PPP1R12C: variants seen among roughly 807,000 people sequenced by gnomAD.
PPP1R12C encodes protein phosphatase 1 regulatory subunit 12C, also known as leukocyte receptor cluster (LRC) encoded novel gene 3.
In PPP1R12C, 48 loss-of-function variants were observed where a neutral mutation model predicts 95.6. That is an observed-to-expected ratio of 0.50 (90% CI 0.40 to 0.64). The LOEUF (loss-of-function observed/expected upper bound fraction) is 0.64. Among genes scored for constraint, PPP1R12C ranks in the 30% least tolerant of loss-of-function variants. PPP1R12C has a pLI of 0.00. For missense variants in PPP1R12C, 1,057 were observed against 1,083.3 expected, an observed-to-expected ratio of 0.98 and a Z score of 0.34; for synonymous variants, 480 against 460.8, an observed-to-expected ratio of 1.04 and a Z score of -0.53.
intron 1 of PPP1R12C, chr19:55,113,442 C>T: frequency 6.7e-7 from 1 of 1,497,658 alleles, no homozygotes; most frequent in Non-Finnish European, 8.9e-7. Flanking sequence ...GAGGCCCCCT[C>T]TGCACGGGGC....
At chr19:55,091,629 C>CACAGCCCCA in intron 21 of PPP1R12C, 21 bp downstream of exon 21, 1 of 1,606,818 alleles carries the variant, frequency 6.2e-7, no homozygotes, top group Non-Finnish European at 8.5e-7. Flanking sequence ...GCCCTCTGCC[C>CACAGCCCCA]ACAGCCCCCA....
chr19:55,104,089 G>A (rs562784397), intron 3 of PPP1R12C, among the ~76,000 whole-genome samples: 3 of 147,690 alleles, frequency 2.0e-5, no homozygotes, highest in Non-Finnish European at 3.0e-5. Flanking sequence ...CTTGAACCCG[G>A]GAGTTGGAGG....
At chr19:55,095,421 G>A (rs1241748662) in intron 10 of PPP1R12C, 24 bp downstream of exon 10, 3 of 1,561,384 alleles carry the variant, frequency 1.9e-6, no homozygotes, top group Non-Finnish European at 8.7e-7. Context: ...GCCTGGGCCT[G>A]GACCCGGCCC....
rs118088288 is a variant in PPP1R12C at position 55,109,896 on chromosome 19, G to A, written c.571+2571C>T. 8.2e-3 allele frequency among the ~76,000 whole-genome samples: 1,241 copies of A among 152,268 alleles called. 6 individuals are homozygous for A. Among genetic ancestry groups the A allele is most frequent in the Middle Eastern group, 0.027 (8 of 292 alleles). Reference sequence around the variant, plus strand: ...GGCAGTCGCCTTGTGATTTGGGGCCGCAGAGTCCCACCCCGAGCAGCACGG... The same window carrying A: ...GGCAGTCGCCTTGTGATTTGGGGCCACAGAGTCCCACCCCGAGCAGCACGG... On this transcript the variant is annotated intron_variant, in intron 3 of 21. Transcript: ENST00000263433. This position sits in a 1 kb window ranked among gnomAD's most constrained non-coding sequence, Gnocchi z 4.4.
In PPP1R12C at chr19:55,092,329, G is replaced by A. The variant is rs1568803762; in HGVS notation, c.2056-3C>T. 3 of 1,592,498 alleles carry A rather than the reference G, an allele frequency of 1.9e-6. No homozygotes were observed. Among genetic ancestry groups the A allele is most frequent in the Non-Finnish European group, 1.7e-6 (2 of 1,169,352 alleles). Reference sequence around the variant, plus strand: ...TCCCTGCGCAGCTCTGCATACAGCTGGGGGTCAGGTAGAGGAGGGTCAGGT... The same window carrying A: ...TCCCTGCGCAGCTCTGCATACAGCTAGGGGTCAGGTAGAGGAGGGTCAGGT... On this transcript the variant is annotated splice_region_variant and splice_polypyrimidine_tract_variant and intron_variant, in intron 18 of 21. Coordinates refer to ENST00000263433, the MANE Select transcript of PPP1R12C (RefSeq NM_017607.4).
At position 55,095,378 on chromosome 19, in the gene PPP1R12C, G is replaced by C; in HGVS notation, c.1387-20C>G. On this transcript the variant is annotated intron_variant, in intron 10 of 21. Coordinates refer to ENST00000263433, the MANE Select transcript of PPP1R12C (RefSeq NM_017607.4). ...CTTGGCCTGTGTGGAGAGGAGAAGG[G>C]GAGGAAGGGGCAGTTCCCTCGACTG... The C allele has an allele frequency of 6.3e-7, 1 of 1,582,428 alleles. No individual in the cohort carries two copies. The highest frequency in any genetic ancestry group is 2.3e-5 in the East Asian group (1 of 42,844).
intron 16 of PPP1R12C, 46 bp downstream of exon 16, chr19:55,092,737 C>T: frequency 6.5e-7 from 1 of 1,535,680 alleles, no homozygotes; most frequent in Non-Finnish European, 8.8e-7. Context: ...TTGCCCGCCC[C>T]CCGGCCCACC....
intron 4 of PPP1R12C, among the ~76,000 whole-genome samples, chr19:55,100,657 G>A (rs1384511300): frequency 1.3e-5 from 2 of 152,218 alleles, no homozygotes; most frequent in Non-Finnish European, 2.9e-5. Flanking sequence ...CTGTCACCCA[G>A]GCTGGAGTGC....
chr19:55,101,219 G>A (rs2084975898), intron 4 of PPP1R12C, among the ~76,000 whole-genome samples: 1 of 152,092 alleles, frequency 6.6e-6, no homozygotes. Context: ...CTGCACTCCA[G>A]CCTGGCAACA....
intron 6 of PPP1R12C, among the ~76,000 whole-genome samples, chr19:55,097,813 C>T (rs970431206): frequency 6.6e-6 from 1 of 152,172 alleles, no homozygotes; most frequent in African/African-American, 2.4e-5. Flanking sequence ...TGGTCTCCCC[C>T]CATATCTGGG....
chr19:55,091,357 G>T lies in PPP1R12C; in HGVS notation c.*115C>A, dbSNP rs906463965. The T allele has an allele frequency of 3.6e-6, 4 of 1,114,962 alleles. No individual in the cohort carries two copies. Among genetic ancestry groups the T allele is most frequent in the African/African-American group, 3.1e-5 (2 of 64,840 alleles). 69.1% of individuals were successfully genotyped at this position (1,114,962 alleles called of 1,614,324 possible). A position where few individuals can be genotyped will look rare whatever the true frequency, so the allele number is the denominator to read the frequency against. Reference sequence around the variant, plus strand: ...CTCCCAGTCCGGAGGTCCCAGGGGGGCTATGGCTTCTCTGAGACTTCCCCC... The same window carrying T: ...CTCCCAGTCCGGAGGTCCCAGGGGGTCTATGGCTTCTCTGAGACTTCCCCC... On this transcript the variant is annotated 3_prime_UTR_variant, in exon 22 of 22. Transcript: ENST00000263433.
chr19:55,107,651 G>T (rs748521994), intron 3 of PPP1R12C, among the ~76,000 whole-genome samples: 39 of 145,644 alleles, frequency 2.7e-4, no homozygotes, highest in Non-Finnish European at 4.6e-4. Flanking sequence ...AATGAACAAT[G>T]AGAACACTTG....
intron 1 of PPP1R12C, chr19:55,114,892 G>A (rs1222306499): frequency 6.6e-6 from 1 of 151,822 alleles, no homozygotes; most frequent in African/African-American, 2.4e-5. Context: ...GGGGGATGCA[G>A]GGGAACGGGG....
intron 3 of PPP1R12C, among the ~76,000 whole-genome samples, chr19:55,106,130 A>ATAG: frequency 6.6e-6 from 1 of 152,288 alleles, no homozygotes; most frequent in East Asian, 1.9e-4. Context: ...CACTAGTGGA[A>ATAG]TAGTGGTGCC....
chr19:55,095,757 G>A, intron 9 of PPP1R12C, 110 bp downstream of exon 9: 2 of 1,521,068 alleles, frequency 1.3e-6, no homozygotes, highest in Non-Finnish European at 1.8e-6. Context: ...GGACGACTCT[G>A]GGAACTATAG....
intron 3 of PPP1R12C, among the ~76,000 whole-genome samples, chr19:55,104,027 G>A (rs1199487372): frequency 6.7e-6 from 1 of 149,070 alleles, no homozygotes; most frequent in East Asian, 1.9e-4. Flanking sequence ...GCCAGGTGTG[G>A]TGGCAGGTGG....
Position 55,117,608 on chromosome 19 carries a change from G to GCCCC in PPP1R12C, c.-66_-65insGGGG. The GCCCC allele has an allele frequency of 1.3e-6, 1 of 796,448 alleles. No individual in the cohort carries two copies. Among genetic ancestry groups the GCCCC allele is most frequent in the South Asian group, 6.1e-5 (1 of 16,438 alleles). 49.3% of individuals were successfully genotyped at this position (796,448 alleles called of 1,614,324 possible). A position where few individuals can be genotyped will look rare whatever the true frequency, so the allele number is the denominator to read the frequency against. On this transcript the variant is annotated 5_prime_UTR_variant, in exon 1 of 22. Transcript: ENST00000263433. ...CCCCAACCGCCGCCACCACCCGCCCGCCCGCCCGCCCCGGGGGCCGCCGGG... is the reference window on the plus strand; with the variant it reads ...CCCCAACCGCCGCCACCACCCGCCCGCCCCCCCGCCCGCCCCGGGGGCCGCCGGG...
intron 6 of PPP1R12C, 76 bp from the exon 7 acceptor site, chr19:55,096,411 T>G: frequency 6.6e-7 from 1 of 1,505,342 alleles, no homozygotes; most frequent in Non-Finnish European, 9.2e-7. Flanking sequence ...CAAACAGCTG[T>G]GCAGGAGCTC....
intron 1 of PPP1R12C, among the ~76,000 whole-genome samples, chr19:55,116,212 G>A (rs1283090210): frequency 6.6e-6 from 1 of 152,140 alleles, no homozygotes; most frequent in Non-Finnish European, 1.5e-5. Flanking sequence ...CGTCGGAGAA[G>A]GCCATCCTAA....
Sources: allele counts gnomAD v4.1 joint callset (sites outside exome capture counted in the v4.1 genomes callset), GRCh38; gene constraint gnomAD v4.1.1; non-coding constraint Gnocchi (gnomAD v3.1); transcripts MANE v1.5; gene names NCBI Gene and HGNC (gene_info 2026-07-23, HGNC 2026-07-21).